The following GRIK1 variants were observed in gnomAD, a reference collection of about 807,000 sequenced individuals.
GRIK1 encodes the protein glutamate ionotropic receptor kainate type subunit 1.
GRIK1 carries 69 observed loss-of-function variants against 105.7 expected under a neutral mutation model. That is an observed-to-expected ratio of 0.65 (90% CI 0.54 to 0.80). GRIK1 has a LOEUF of 0.80. Among genes scored for constraint, GRIK1 ranks in the 30% least tolerant of loss-of-function variants. The probability of loss-of-function intolerance (pLI) is 0.00; values close to 1 mark genes in which losing one functional copy is unlikely to be tolerated. For missense variants in GRIK1, 1,109 were observed against 1,167.3 expected, an observed-to-expected ratio of 0.95 and a Z score of 0.73; for synonymous variants, 438 against 431.3, an observed-to-expected ratio of 1.02 and a Z score of -0.19.
intron 1 of GRIK1, among the ~76,000 whole-genome samples, chr21:29,807,757 C>T (rs922086706): frequency 3.3e-5 from 5 of 152,216 alleles, no homozygotes; most frequent in East Asian, 1.9e-4. Flanking sequence ...CCAGACCCAG[C>T]CACTATTTTT....
chr21:29,670,794 A>T (rs363554), intron 4 of GRIK1, among the ~76,000 whole-genome samples: 62 of 152,336 alleles, frequency 4.1e-4, no homozygotes, highest in African/African-American at 1.4e-3. Context: ...CTGTATTAAC[A>T]TTCTTAAATG....
chr21:29,625,510 C>A (rs1364127150), intron 7 of GRIK1, among the ~76,000 whole-genome samples: 2 of 152,134 alleles, frequency 1.3e-5, no homozygotes, highest in Non-Finnish European at 2.9e-5. Flanking sequence ...CACCATGCTG[C>A]CTGCCACTCT....
intron 3 of GRIK1, among the ~76,000 whole-genome samples, chr21:29,685,889 C>A (rs2063478492): frequency 6.6e-6 from 1 of 152,162 alleles, no homozygotes; most frequent in African/African-American, 2.4e-5. Context: ...AGCTAGAACT[C>A]CTCTCCCCAA....
chr21:29,572,243 C>T (rs1167662133), intron 14 of GRIK1, among the ~76,000 whole-genome samples: 1 of 152,142 alleles, frequency 6.6e-6, no homozygotes, highest in Non-Finnish European at 1.5e-5. Flanking sequence ...TTTCTGACAG[C>T]TTACCATCCT....
rs35503363 is a variant in GRIK1 at position 29,573,853 on chromosome 21, G to GAAAA, written c.2130+3107_2130+3110dup. On this transcript the variant is annotated intron_variant, in intron 14 of 17. Transcript: ENST00000327783. ...GGGCGACAGAGCAAGACTCCGTCTG[G>GAAAA]AAAAAAAAAAAAAAAAAAAGTGACA... Among the ~76,000 whole-genome samples, 335 of 114,106 alleles carry GAAAA rather than the reference G, an allele frequency of 2.9e-3. 1 individual carries two copies. The highest frequency in any genetic ancestry group is 9.2e-3 in the African/African-American group (299 of 32,340). 74.9% of individuals were successfully genotyped at this position (114,106 alleles called of 152,430 possible).
chr21:29,609,118 TAAA>T (rs150243376), intron 7 of GRIK1, among the ~76,000 whole-genome samples: 1 of 149,426 alleles, frequency 6.7e-6, no homozygotes, highest in Non-Finnish European at 1.5e-5. Context: ...ATAAATAAGA[TAAA>T]AAGGTATTAT....
At chr21:29,912,747 C>A (rs2070862204) in intron 1 of GRIK1, among the ~76,000 whole-genome samples, 1 of 151,982 alleles carries the variant, frequency 6.6e-6, no homozygotes. Flanking sequence ...GGGGTTGAGA[C>A]CTGGTTGAAA....
intron 1 of GRIK1, among the ~76,000 whole-genome samples, chr21:29,711,214 A>C (rs1303648145): frequency 6.6e-6 from 1 of 152,252 alleles, no homozygotes; most frequent in Admixed American, 6.5e-5. Flanking sequence ...GATAGACTGT[A>C]TATATGAAGG....
Position 29,689,773 on chromosome 21 carries a change from A to G in GRIK1, c.499T>C (p.Tyr167His), listed in dbSNP as rs1220124665. 8.1e-6 allele frequency: 13 copies of G among 1,613,830 alleles called. No homozygotes were observed. The highest frequency in any genetic ancestry group is 1.1e-5 in the Non-Finnish European group (13 of 1,179,836). The change falls in exon 3 of 18, where the codon TAT becomes CAT. Residue 167 changes from tyrosine (Y) to histidine (H), a missense_variant. Around this residue, in one of 5 missense-constraint regions of GRIK1, gnomAD observed 612 missense variants for 586.0 expected, o/e 1.04. Transcript: ENST00000327783. Reference sequence around the variant, plus strand: ...ACTGTCACTGTTTTCCAGTTGTAATAGAGGACCAGATCCAGGATCGCCCTG... The same window carrying G: ...ACTGTCACTGTTTTCCAGTTGTAATGGAGGACCAGATCCAGGATCGCCCTG... Reference protein sequence around the residue: ...ISRAILDLVLYYNWKTVTVVY... With the variant: ...ISRAILDLVLHYNWKTVTVVY...
At chr21:29,691,988 A>G (rs2063592735) in intron 2 of GRIK1, among the ~76,000 whole-genome samples, 1 of 152,186 alleles carries the variant, frequency 6.6e-6, no homozygotes, top group South Asian at 2.1e-4. Context: ...GGTTTTCATT[A>G]TTTAGCCAGA....
At chr21:29,731,219 C>A (rs1387384921) in intron 1 of GRIK1, among the ~76,000 whole-genome samples, 1 of 152,178 alleles carries the variant, frequency 6.6e-6, no homozygotes, top group Admixed American at 6.6e-5. Context: ...TTCCCAGGTG[C>A]TTTTCTGCGA....
chr21:29,687,568 A>G (rs1265893752), intron 3 of GRIK1, among the ~76,000 whole-genome samples: 2 of 152,226 alleles, frequency 1.3e-5, no homozygotes, highest in East Asian at 1.9e-4. Flanking sequence ...GACATACGAA[A>G]TCATTTTGGA....
intron 1 of GRIK1, among the ~76,000 whole-genome samples, chr21:29,820,099 T>G (rs987714572): frequency 6.6e-6 from 1 of 152,140 alleles, no homozygotes; most frequent in East Asian, 1.9e-4. Flanking sequence ...GCTTGCCATG[T>G]GACAGATAGA....
intron 1 of GRIK1, among the ~76,000 whole-genome samples, chr21:29,749,371 T>A (rs968342445): frequency 6.6e-6 from 1 of 152,328 alleles, no homozygotes; most frequent in South Asian, 2.1e-4. Context: ...GAGAATCAGC[T>A]TTGTCACCGA....
At chr21:29,635,594 C>A (rs1015865373) in intron 7 of GRIK1, among the ~76,000 whole-genome samples, 2 of 152,122 alleles carry the variant, frequency 1.3e-5, no homozygotes, top group Non-Finnish European at 2.9e-5. Context: ...TGATGTGACT[C>A]CCGAGTGACA....
chr21:29,760,717 G>A (rs1014886581), intron 1 of GRIK1, among the ~76,000 whole-genome samples: 1 of 152,178 alleles, frequency 6.6e-6, no homozygotes, highest in East Asian at 1.9e-4. Context: ...GTTTATACAC[G>A]ATCTTGCAGA....
At chr21:29,556,671 G>A (rs2090264588) in intron 15 of GRIK1, among the ~76,000 whole-genome samples, 1 of 152,122 alleles carries the variant, frequency 6.6e-6, no homozygotes, top group East Asian at 1.9e-4. Flanking sequence ...TTCCCAACAT[G>A]ATCTTTGGCT....
chr21:29,848,779 A>ATATATATATATATATATATATTTTT lies in GRIK1; in HGVS notation c.118+90603_118+90604insAAAAATATATATATATATATATATA. ...TGTATATATATATATATATATATAT[A>ATATATATATATATATATATATTTTT]TTTTTTTTTTTTTCCACGATCTTCA... On this transcript the variant is annotated intron_variant, in intron 1 of 17. Coordinates refer to ENST00000327783, the MANE Select transcript of GRIK1 (RefSeq NM_001330994.2). 3.5e-4 allele frequency among the ~76,000 whole-genome samples: 27 copies of ATATATATATATATATATATATTTTT among 77,850 alleles called. 1 individual carries two copies. Among genetic ancestry groups the ATATATATATATATATATATATTTTT allele is most frequent in the African/African-American group, 1.5e-3 (25 of 17,116 alleles). 51.1% of individuals were successfully genotyped at this position (77,850 alleles called of 152,430 possible).
chr21:29,757,028 A>G (rs378667), intron 1 of GRIK1, among the ~76,000 whole-genome samples: 25,784 of 152,114 alleles, frequency 0.17, 2,150 homozygotes, highest in Non-Finnish European at 0.18. Flanking sequence ...GAGGCAGGAG[A>G]CTTGCTTGAA....
Sources: gnomAD v4.1 joint callset for allele counts (sites outside exome capture counted in the v4.1 genomes callset) on GRCh38, gnomAD v4.1.1 for gene constraint, gnomAD v4.1.1 regional missense constraint, MANE v1.5 for transcripts, NCBI Gene and HGNC (gene_info 2026-07-23, HGNC 2026-07-21) for gene names.